The following CAMTA1 variants were observed in gnomAD, a reference collection of about 807,000 sequenced individuals.
CAMTA1 encodes calmodulin binding transcription activator 1.
CAMTA1 carries 27 observed loss-of-function variants against 170.9 expected under a neutral mutation model. The ratio of observed to expected loss-of-function variants is 0.16; its 90% CI spans 0.12 to 0.22. The LOEUF is 0.22. Ranked by LOEUF, CAMTA1 falls within the 10% of genes least tolerant of loss-of-function variation. CAMTA1 has a pLI of 1.00. For synonymous variants in CAMTA1, 833 were observed against 891.5 expected, an observed-to-expected ratio of 0.93 and a Z score of 1.17; for missense variants, 1,619 against 2,217.2, an observed-to-expected ratio of 0.73 and a Z score of 5.42.
chr1:7,692,018 C>T (rs1307828101), intron 11 of CAMTA1, among the ~76,000 whole-genome samples: 3 of 151,678 alleles, frequency 2.0e-5, no homozygotes, highest in Non-Finnish European at 4.4e-5. Context: ...GTACAGATGG[C>T]CTAGTGGTAT....
intron 6 of CAMTA1, among the ~76,000 whole-genome samples, chr1:7,599,064 TG>T (rs2095421743): frequency 6.6e-6 from 1 of 152,276 alleles, no homozygotes; most frequent in South Asian, 2.1e-4. Context: ...AGGGCTTTTA[TG>T]GTTTTTGGTC....
rs1673553151 is a variant in CAMTA1 at position 6,887,497 on chromosome 1, T to A, written c.234+62287T>A. ...GTGGGGGTAGATACATACCTGTTCA[T>A]CTGTATACGTATGTGTGTGTTTAAT... On this transcript the variant is annotated intron_variant, in intron 3 of 22. Coordinates refer to ENST00000303635, the MANE Select transcript of CAMTA1 (RefSeq NM_015215.4). The surrounding 1 kb of genome is among the most constrained non-coding windows in gnomAD (Gnocchi z 4.1). Among the ~76,000 whole-genome samples, 1 of 152,220 alleles carries A rather than the reference T, an allele frequency of 6.6e-6. No homozygotes were observed. Among genetic ancestry groups the A allele is most frequent in the African/African-American group, 2.4e-5 (1 of 41,454 alleles).
At chr1:7,242,484 C>T (rs912222037) in intron 4 of CAMTA1, among the ~76,000 whole-genome samples, 42 of 152,240 alleles carry the variant, frequency 2.8e-4, no homozygotes, top group Non-Finnish European at 5.9e-4. Context: ...GAGAAATTCA[C>T]CTGTATTTTC....
chr1:7,498,197 T>A (rs199658117), intron 6 of CAMTA1, among the ~76,000 whole-genome samples: 2 of 145,040 alleles, frequency 1.4e-5, no homozygotes, highest in African/African-American at 5.3e-5. Flanking sequence ...AGTGAGTGTG[T>A]GTGTGTGTGA....
intron 5 of CAMTA1, among the ~76,000 whole-genome samples, chr1:7,447,252 GGA>G (rs1424938959): frequency 6.6e-6 from 1 of 151,976 alleles, no homozygotes; most frequent in African/African-American, 2.4e-5. Context: ...CCATCTGGAG[GGA>G]GAGAGTAGGG....
rs1205028868 is a variant in CAMTA1, at chr1:7,738,708, A to G, written c.4182+226A>G. Among the ~76,000 whole-genome samples the G allele has an allele frequency of 1.3e-5, 2 of 152,184 alleles. No homozygotes were observed. Among genetic ancestry groups the G allele is most frequent in the African/African-American group, 4.8e-5 (2 of 41,444 alleles). On this transcript the variant is annotated intron_variant, in intron 16 of 22. Coordinates refer to ENST00000303635, the MANE Select transcript of CAMTA1 (RefSeq NM_015215.4). This position sits in a 1 kb window ranked among gnomAD's most constrained non-coding sequence, Gnocchi z 4.9. ...GAATACCAGTGACCCCGGTCTCAGC[A>G]AAGCCTTCCCTCTTTGTACCAACTT... is the stretch of plus-strand genomic sequence containing the variant.
Position 7,251,291 on chromosome 1 carries a change from G to C in CAMTA1, c.438+1665G>C, listed in dbSNP as rs1666599306. Reference sequence around the variant, plus strand: ...TTCTTTCCTCATGTTATAAATTAGAGTTGTCACTGGATGGAATCAGAATGA... The same window carrying C: ...TTCTTTCCTCATGTTATAAATTAGACTTGTCACTGGATGGAATCAGAATGA... On this transcript the variant is annotated intron_variant, in intron 5 of 22. Transcript: ENST00000303635. This position sits in a 1 kb window ranked among gnomAD's most constrained non-coding sequence, Gnocchi z 5.1. 1.3e-5 allele frequency among the ~76,000 whole-genome samples: 2 copies of C among 152,200 alleles called. No individual in the cohort carries two copies. The highest frequency in any genetic ancestry group is 2.9e-5 in the Non-Finnish European group (2 of 68,042).
chr1:7,658,653 C>T (rs1454604853), intron 7 of CAMTA1, among the ~76,000 whole-genome samples: 1 of 152,132 alleles, frequency 6.6e-6, no homozygotes, highest in Non-Finnish European at 1.5e-5. Flanking sequence ...CAAGGAGTGC[C>T]CTGGGCATAG....
chr1:7,398,181 CTCTCTCTCTCTCTATATATATATAT>C, intron 5 of CAMTA1, among the ~76,000 whole-genome samples: 1 of 45,578 alleles, frequency 2.2e-5, no homozygotes, highest in African/African-American at 8.4e-5. Context: ...CTCTCTCTCT[CTCTCTCTCTCTCTATATATATATAT>C]ATATATATAT....
chr1:7,330,817 C>T (rs2149740669), intron 5 of CAMTA1, among the ~76,000 whole-genome samples: 1 of 152,312 alleles, frequency 6.6e-6, no homozygotes. Context: ...TGAAGCCTGG[C>T]CCGCAGGAGC....
intron 5 of CAMTA1, among the ~76,000 whole-genome samples, chr1:7,444,800 C>CT (rs1203671624): frequency 6.6e-6 from 1 of 152,204 alleles, no homozygotes; most frequent in East Asian, 1.9e-4. Context: ...CCCCAACCCT[C>CT]TAAAAACAAA....
intron 3 of CAMTA1, among the ~76,000 whole-genome samples, chr1:7,012,056 T>C (rs939985740): frequency 6.6e-6 from 1 of 152,144 alleles, no homozygotes; most frequent in African/African-American, 2.4e-5. Flanking sequence ...ACCACAATGC[T>C]GGGGAAACCC....
intron 1 of CAMTA1, among the ~76,000 whole-genome samples, chr1:6,797,647 A>T (rs959997020): frequency 6.6e-6 from 1 of 152,026 alleles, no homozygotes; most frequent in Non-Finnish European, 1.5e-5. Flanking sequence ...TCTGCCTCCC[A>T]AAGTGCTGGG....
chr1:6,852,235 A>G (rs1165444912), intron 3 of CAMTA1, among the ~76,000 whole-genome samples: 1 of 152,196 alleles, frequency 6.6e-6, no homozygotes, highest in African/African-American at 2.4e-5. Context: ...AACAAAAATG[A>G]GAAGGATTTA....
chr1:6,820,997 C>T (rs1646426406), intron 2 of CAMTA1, among the ~76,000 whole-genome samples: 1 of 151,970 alleles, frequency 6.6e-6, no homozygotes, highest in Non-Finnish European at 1.5e-5. Context: ...GTTTATTGAA[C>T]CTGAGTTATG....
chr1:6,791,935 A>G (rs1480718515), intron 1 of CAMTA1, among the ~76,000 whole-genome samples: 1 of 151,764 alleles, frequency 6.6e-6, no homozygotes, highest in East Asian at 1.9e-4. Context: ...GTCTCCCATG[A>G]TAATTGTCAT....
At chr1:7,586,454 A>G (rs1402260013) in intron 6 of CAMTA1, among the ~76,000 whole-genome samples, 1 of 152,092 alleles carries the variant, frequency 6.6e-6, no homozygotes, top group East Asian at 1.9e-4. Flanking sequence ...CCCTGCAGCC[A>G]CACCGAACCT....
At chr1:7,457,688 G>A (rs1056733035) in intron 5 of CAMTA1, among the ~76,000 whole-genome samples, 2 of 152,208 alleles carry the variant, frequency 1.3e-5, no homozygotes, top group African/African-American at 4.8e-5. Flanking sequence ...GGCTGGGGGA[G>A]CCTCCAGCTT....
chr1:7,222,814 C>T (rs1490786643), intron 4 of CAMTA1, among the ~76,000 whole-genome samples: 3 of 152,244 alleles, frequency 2.0e-5, no homozygotes, highest in South Asian at 2.1e-4. Flanking sequence ...ATCCTGGCTT[C>T]GCCGCGTGCC....
Sources: gnomAD v4.1 joint callset for allele counts (sites outside exome capture counted in the v4.1 genomes callset) on GRCh38, gnomAD v4.1.1 for gene constraint, Gnocchi (gnomAD v3.1) non-coding constraint, MANE v1.5 for transcripts, NCBI Gene and HGNC (gene_info 2026-07-23, HGNC 2026-07-21) for gene names.